Variants in COBLL1 observed in about 807,000 individuals in gnomAD.
COBLL1 encodes cordon-bleu WH2 repeat protein like 1.
A neutral mutation model predicts 94.8 loss-of-function variants in COBLL1; 50 were observed. The observed-to-expected ratio is 0.53, with a 90% CI of 0.42 to 0.67. The LOEUF is 0.67. Among genes scored for constraint, COBLL1 ranks in the 30% least tolerant of loss-of-function variants. COBLL1 has a pLI of 0.00. For synonymous variants in COBLL1, 448 were observed against 473.8 expected, an observed-to-expected ratio of 0.95 and a Z score of 0.71; for missense variants, 1,362 against 1,348.7, an observed-to-expected ratio of 1.01 and a Z score of -0.15.
chr2:164,692,981 A>T lies in COBLL1; in HGVS notation c.3124-584T>A, dbSNP rs988121317. Among the ~76,000 whole-genome samples the T allele has an allele frequency of 2.2e-4, 34 of 152,172 alleles. 1 individual carries two copies. Among genetic ancestry groups the T allele is most frequent in the Non-Finnish European group, 1.5e-5 (1 of 68,022 alleles). On this transcript the variant is annotated intron_variant, in intron 12 of 13. Coordinates refer to ENST00000652658, the MANE Select transcript of COBLL1 (RefSeq NM_001365672.2). ...TTTTGCCATGAGAATCAATATAAAA[A>T]ATTAGGAACTTCCAAACTGAAGACT... is the stretch of plus-strand genomic sequence containing the variant.
chr2:164,727,143 G>T, intron 5 of COBLL1: 2 of 1,500,396 alleles, frequency 1.3e-6, no homozygotes, highest in Non-Finnish European at 1.8e-6. Flanking sequence ...TAACAGAAGT[G>T]GCTACAGAAG....
chr2:164,805,363 A>ATATATATATATATATATAT (rs1553480466), intron 2 of COBLL1, among the ~76,000 whole-genome samples: 6 of 115,880 alleles, frequency 5.2e-5, no homozygotes, highest in Non-Finnish European at 7.0e-5. Flanking sequence ...ATATATATAT[A>ATATATATATATATATATAT]AAACTAAAGT....
chr2:164,687,600 T>C (rs766845601), intron 13 of COBLL1: 29 of 1,145,590 alleles, frequency 2.5e-5, no homozygotes, highest in Middle Eastern at 2.2e-4. Context: ...GAAGCCTACA[T>C]TGGGGTAATG....
At chr2:164,736,837 G>A (rs1185107578) in intron 3 of COBLL1, among the ~76,000 whole-genome samples, 1 of 152,134 alleles carries the variant, frequency 6.6e-6, no homozygotes, top group African/African-American at 2.4e-5. Flanking sequence ...ACATATAGAT[G>A]GGTGTACATA....
At chr2:164,772,922 G>A (rs1288794272) in intron 2 of COBLL1, among the ~76,000 whole-genome samples, 1 of 152,082 alleles carries the variant, frequency 6.6e-6, no homozygotes, top group Non-Finnish European at 1.5e-5. Flanking sequence ...ATGTAATCGT[G>A]TACCAGCCAA....
At chr2:164,813,739 A>C (rs555010873) in intron 2 of COBLL1, among the ~76,000 whole-genome samples, 2 of 152,316 alleles carry the variant, frequency 1.3e-5, no homozygotes, top group South Asian at 4.1e-4. Flanking sequence ...AGGAATTTAC[A>C]AGAAAACTGT....
At chr2:164,800,501 G>A in intron 2 of COBLL1, 1 of 699,512 alleles carries the variant, frequency 1.4e-6, no homozygotes, top group Non-Finnish European at 2.6e-6. Flanking sequence ...TCTAGACAAT[G>A]GTCTAGAAGT....
At position 164,684,252 on chromosome 2, in the gene COBLL1, TG is replaced by T. The variant is rs1183294088; in HGVS notation, c.*1693del. On this transcript the variant is annotated 3_prime_UTR_variant, in exon 14 of 14. Coordinates refer to ENST00000652658, the MANE Select transcript of COBLL1 (RefSeq NM_001365672.2). Reference sequence around the variant, plus strand: ...TCTATTAGGTAGACTTATCATGAGTTGTAGGAACTTTCATATCTTCATAAAT... The same window carrying T: ...TCTATTAGGTAGACTTATCATGAGTTTAGGAACTTTCATATCTTCATAAAT... 6.6e-6 allele frequency: 1 copy of T among 152,174 alleles called. No homozygotes were observed. Among genetic ancestry groups the T allele is most frequent in the African/African-American group, 2.4e-5 (1 of 41,450 alleles). The allele number at this position is 152,174 out of a possible 1,614,324, so 9.4% of individuals were successfully genotyped here. A position where few individuals can be genotyped will look rare whatever the true frequency, so the allele number is the denominator to read the frequency against.
At chr2:164,786,147 G>A (rs1303165802) in intron 2 of COBLL1, among the ~76,000 whole-genome samples, 3 of 152,090 alleles carry the variant, frequency 2.0e-5, no homozygotes, top group Non-Finnish European at 2.9e-5. Context: ...ATTTTCATAC[G>A]TGGATCAAAA....
At chr2:164,660,809 A>G (rs568212425) in intron 2 of COBLL1, among the ~76,000 whole-genome samples, 6 of 152,348 alleles carry the variant, frequency 3.9e-5, no homozygotes, top group African/African-American at 1.2e-4. Flanking sequence ...TAGCTCTTGA[A>G]TAATACTACA....
In COBLL1 at chr2:164,695,593, T is replaced by G. The variant is rs1359972837; in HGVS notation, c.1799A>C (p.Lys600Thr). 6.2e-7 allele frequency: 1 copy of G among 1,613,936 alleles called. No homozygotes were observed. Among genetic ancestry groups the G allele is most frequent in the Non-Finnish European group, 8.5e-7 (1 of 1,179,914 alleles). The change falls in exon 12 of 14, where the codon AAA becomes ACA. Residue 600 changes from lysine to threonine, a missense_variant. Transcript: ENST00000652658. ...AGGGGTTGTCTGAATTGCTGCATCT[T>G]TTGTCTTTTCTGCACTGGGTTGATT... ...KLNQPSAEKT[K>T]DAAIQTTPSC...
rs144707234 is a variant in COBLL1 at position 164,764,178 on chromosome 2, C to T, written c.42-20303G>A. Among the ~76,000 whole-genome samples the T allele has an allele frequency of 3.0e-3, 452 of 152,298 alleles. 1 individual carries two copies. The highest frequency in any genetic ancestry group is 9.9e-3 in the African/African-American group (412 of 41,552). On this transcript the variant is annotated intron_variant, in intron 2 of 13. Coordinates refer to ENST00000652658, the MANE Select transcript of COBLL1 (RefSeq NM_001365672.2). ...CTCTCAAAGTGTTGGGATTACCAGG[C>T]GTGAGCCACCACACCCAGCTAGCTT... is the stretch of plus-strand genomic sequence containing the variant.
intron 2 of COBLL1, among the ~76,000 whole-genome samples, chr2:164,774,074 ATTATC>A (rs1186382637): frequency 1.3e-5 from 2 of 152,158 alleles, no homozygotes; most frequent in Non-Finnish European, 1.5e-5. Context: ...AAAATCTTTA[ATTATC>A]TTAATTCATC....
At chr2:164,838,976 G>C (rs139101286) in intron 2 of COBLL1, among the ~76,000 whole-genome samples, 231 of 152,198 alleles carry the variant, frequency 1.5e-3, no homozygotes, top group African/African-American at 5.3e-3. Context: ...AAGCAATACT[G>C]AATATTAAAT....
intron 2 of COBLL1, among the ~76,000 whole-genome samples, chr2:164,756,932 T>C (rs1180419798): frequency 6.6e-6 from 1 of 152,206 alleles, no homozygotes; most frequent in East Asian, 1.9e-4. Context: ...GGAATAACAC[T>C]TCCTGCCTCT....
At chr2:164,711,822 T>C (rs1019610003) in intron 7 of COBLL1, among the ~76,000 whole-genome samples, 2 of 152,062 alleles carry the variant, frequency 1.3e-5, no homozygotes, top group South Asian at 4.1e-4. Context: ...AACACAGAGG[T>C]TTCTACTTAC....
At chr2:164,767,827 T>C (rs973174323) in intron 2 of COBLL1, among the ~76,000 whole-genome samples, 1 of 152,070 alleles carries the variant, frequency 6.6e-6, no homozygotes, top group African/African-American at 2.4e-5. Flanking sequence ...ATTGTATGTA[T>C]ATAATATTTT....
chr2:164,700,184 C>T (rs542166382), intron 10 of COBLL1, among the ~76,000 whole-genome samples: 3 of 152,102 alleles, frequency 2.0e-5, no homozygotes, highest in South Asian at 4.1e-4. Flanking sequence ...ACCAGGAATA[C>T]TTGGTAAAAA....
chr2:164,687,205 CTTTCTTTCTTTTTT>C (rs1574407313), intron 13 of COBLL1: 1 of 432,130 alleles, frequency 2.3e-6, no homozygotes, highest in East Asian at 4.2e-5. Context: ...CAGGTAATGA[CTTTCTTTCTTTTTT>C]TTTTTTTTGG....
Sources: allele counts gnomAD v4.1 joint callset (sites outside exome capture counted in the v4.1 genomes callset), GRCh38; gene constraint gnomAD v4.1.1; transcripts MANE v1.5; gene names NCBI Gene and HGNC (gene_info 2026-07-23, HGNC 2026-07-21).